DTWD2: variants seen among roughly 807,000 people sequenced by gnomAD.
DTWD2 encodes tRNA-uridine aminocarboxypropyltransferase 2.
A neutral mutation model predicts 31.8 loss-of-function variants in DTWD2; 39 were observed. The ratio of observed to expected loss-of-function variants is 1.22; its 90% confidence interval spans 0.95 to 1.60. The LOEUF is 1.60. Among genes scored for constraint, DTWD2 ranks in the 40% most tolerant of loss-of-function variants. The pLI is 0.00. For missense variants in DTWD2, 515 were observed against 381.5 expected (o/e 1.35, Z -2.92); for synonymous variants, 180 against 142.8 (o/e 1.26, Z -1.86).
chr5:118,969,849 A>C (rs1226102722), intron 1 of DTWD2, among the ~76,000 whole-genome samples: 1 of 152,318 alleles, frequency 6.6e-6, no homozygotes, highest in African/African-American at 2.4e-5. Flanking sequence ...AAATGACAGA[A>C]GGAGGCTTCA....
intron 1 of DTWD2, chr5:118,973,911 C>G: frequency 5.0e-6 from 8 of 1,604,774 alleles, no homozygotes; most frequent in Non-Finnish European, 6.8e-6. Context: ...AACGGGAATG[C>G]TAATGAGGAA....
intron 4 of DTWD2, among the ~76,000 whole-genome samples, chr5:118,873,696 A>T (rs1026933234): frequency 1.2e-4 from 19 of 152,146 alleles, no homozygotes; most frequent in Non-Finnish European, 1.5e-5. Flanking sequence ...CGCTTTCACC[A>T]GCAACTCACA....
chr5:118,952,156 G>A (rs1294226841), intron 1 of DTWD2, among the ~76,000 whole-genome samples: 1 of 152,198 alleles, frequency 6.6e-6, no homozygotes, highest in East Asian at 1.9e-4. Flanking sequence ...CCTTGGGCTG[G>A]TTGGTCTGAG....
chr5:118,870,374 G>C (rs991990594), intron 4 of DTWD2, among the ~76,000 whole-genome samples: 2 of 152,126 alleles, frequency 1.3e-5, no homozygotes, highest in African/African-American at 2.4e-5. Flanking sequence ...TGAAACACTT[G>C]ATTGGTTGGT....
At chr5:118,949,840 A>G (rs190204458) in intron 1 of DTWD2, among the ~76,000 whole-genome samples, 3 of 152,304 alleles carry the variant, frequency 2.0e-5, no homozygotes, top group African/African-American at 4.8e-5. Flanking sequence ...AGGAAAGCAG[A>G]TAAGTTAGTT....
Position 118,847,223 on chromosome 5 carries a change from T to C in DTWD2, c.726+867A>G, listed in dbSNP as rs550144632. ...GGCATACTCATAACTGTAACCATAA[T>C]GGATAATGAGAAAGAAAGAAGGCAG... On this transcript the variant is annotated intron_variant, in intron 5 of 5. Coordinates refer to ENST00000510708, the MANE Select transcript of DTWD2 (RefSeq NM_173666.4). Among the ~76,000 whole-genome samples, 693 of 152,118 alleles carry C rather than the reference T, an allele frequency of 4.6e-3. 6 individuals carry two copies. The highest frequency in any genetic ancestry group is 0.016 in the African/African-American group (679 of 41,534).
intron 5 of DTWD2, among the ~76,000 whole-genome samples, chr5:118,841,467 T>A (rs1196470344): frequency 6.6e-6 from 1 of 152,156 alleles, no homozygotes; most frequent in African/African-American, 2.4e-5. Context: ...AATAGTCAAT[T>A]CAGTTTCTAT....
intron 1 of DTWD2, among the ~76,000 whole-genome samples, chr5:118,968,639 C>A (rs1355361811): frequency 1.3e-5 from 2 of 152,222 alleles, no homozygotes; most frequent in East Asian, 1.9e-4. Context: ...AGATCCCCCC[C>A]TGAGCCCACA....
chr5:118,982,807 G>A (rs1307308214), intron 1 of DTWD2, among the ~76,000 whole-genome samples: 1 of 149,990 alleles, frequency 6.7e-6, no homozygotes, highest in Non-Finnish European at 1.5e-5. Context: ...TCCTGCCTCA[G>A]CCTCCCAAGT....
chr5:118,950,434 T>C (rs1754438008), intron 1 of DTWD2, among the ~76,000 whole-genome samples: 1 of 152,110 alleles, frequency 6.6e-6, no homozygotes, highest in African/African-American at 2.4e-5. Context: ...GCGCCTGTGA[T>C]GGTCCAGGAG....
intron 4 of DTWD2, among the ~76,000 whole-genome samples, chr5:118,886,283 G>A (rs1752866036): frequency 6.6e-6 from 1 of 152,352 alleles, no homozygotes; most frequent in East Asian, 1.9e-4. Flanking sequence ...GGTTATTGGA[G>A]ATTGAGGATG....
chr5:118,859,367 C>G, intron 4 of DTWD2, among the ~76,000 whole-genome samples: 1 of 152,040 alleles, frequency 6.6e-6, no homozygotes, highest in East Asian at 1.9e-4. Context: ...TGATTTTTCA[C>G]TTATTTTTAA....
chr5:118,856,436 T>G (rs1326511264), intron 4 of DTWD2, among the ~76,000 whole-genome samples: 1 of 152,198 alleles, frequency 6.6e-6, no homozygotes, highest in African/African-American at 2.4e-5. Context: ...TATTTGCTAT[T>G]ATAAACAAAG....
intron 1 of DTWD2, among the ~76,000 whole-genome samples, chr5:118,979,651 A>G (rs1352638410): frequency 6.6e-6 from 1 of 152,282 alleles, no homozygotes; most frequent in Non-Finnish European, 1.5e-5. Context: ...TGTGGCATAC[A>G]TCATAGAATA....
At chr5:118,934,193 G>C (rs893796806) in intron 3 of DTWD2, among the ~76,000 whole-genome samples, 2 of 147,450 alleles carry the variant, frequency 1.4e-5, no homozygotes, top group African/African-American at 5.0e-5. Flanking sequence ...CCAGCACTTT[G>C]GGAGGCCAAA....
At chr5:118,874,310 A>G (rs1014291634) in intron 4 of DTWD2, among the ~76,000 whole-genome samples, 14 of 152,246 alleles carry the variant, frequency 9.2e-5, no homozygotes, top group Admixed American at 8.5e-4. Flanking sequence ...CTTTCCTCCA[A>G]ATGACCACAT....
intron 3 of DTWD2, among the ~76,000 whole-genome samples, chr5:118,932,983 A>C (rs779965228): frequency 6.6e-6 from 1 of 152,296 alleles, no homozygotes; most frequent in African/African-American, 2.4e-5. Context: ...AGAAATAAAA[A>C]GGGTGATCAT....
intron 4 of DTWD2, among the ~76,000 whole-genome samples, chr5:118,881,566 T>C (rs1389249424): frequency 6.6e-6 from 1 of 152,194 alleles, no homozygotes; most frequent in Non-Finnish European, 1.5e-5. Flanking sequence ...TACATACTGC[T>C]ATAAAGATAC....
intron 4 of DTWD2, among the ~76,000 whole-genome samples, chr5:118,911,377 G>A (rs554547993): frequency 6.6e-6 from 1 of 152,328 alleles, no homozygotes; most frequent in African/African-American, 2.4e-5. Context: ...GAAGGATGTG[G>A]AGAAAAGTGA....
Sources: gnomAD v4.1 joint callset for allele counts (sites outside exome capture counted in the v4.1 genomes callset) on GRCh38, gnomAD v4.1.1 for gene constraint, MANE v1.5 for transcripts, NCBI Gene and HGNC (gene_info 2026-07-23, HGNC 2026-07-21) for gene names.